CCDC178: variants seen among roughly 807,000 people sequenced by gnomAD.
The protein encoded by CCDC178 is coiled-coil domain-containing protein 178.
A neutral mutation model predicts 117.4 loss-of-function variants in CCDC178; 126 were observed. The ratio of observed to expected loss-of-function variants is 1.07; its 90% confidence interval spans 0.93 to 1.24. CCDC178 has a LOEUF of 1.24. CCDC178 is among the 50% of genes most tolerant of loss of function. The probability of loss-of-function intolerance (pLI) is 0.00; values close to 1 mark genes in which losing one functional copy is unlikely to be tolerated. For missense variants in CCDC178, 1,030 were observed against 986.9 expected (o/e 1.04, Z -0.59); for synonymous variants, 283 against 313.4 (o/e 0.90, Z 1.02).
intron 15 of CCDC178, among the ~76,000 whole-genome samples, chr18:33,236,774 A>C (rs977810436): frequency 7.9e-5 from 12 of 152,284 alleles, no homozygotes; most frequent in Non-Finnish European, 1.8e-4. Context: ...GGTAATTGGA[A>C]GTCCAAGAGA....
intron 11 of CCDC178, among the ~76,000 whole-genome samples, chr18:33,317,609 G>C (rs956213280): frequency 2.0e-5 from 3 of 151,946 alleles, no homozygotes; most frequent in Non-Finnish European, 2.9e-5. Context: ...ACTCTCTTGG[G>C]GTCTGGACTG....
intron 11 of CCDC178, among the ~76,000 whole-genome samples, chr18:33,309,431 A>G (rs543012761): frequency 6.6e-6 from 1 of 152,324 alleles, no homozygotes; most frequent in African/African-American, 2.4e-5. Context: ...AAAGAATTAA[A>G]TACACATAAA....
chr18:33,095,831 T>C (rs1349184213), intron 20 of CCDC178, among the ~76,000 whole-genome samples: 2 of 151,804 alleles, frequency 1.3e-5, no homozygotes, highest in African/African-American at 2.4e-5. Flanking sequence ...TAAAGAGAAA[T>C]CATACCATAT....
chr18:33,361,705 C>T (rs1377998299), intron 6 of CCDC178, among the ~76,000 whole-genome samples: 1 of 151,696 alleles, frequency 6.6e-6, no homozygotes, highest in Non-Finnish European at 1.5e-5. Flanking sequence ...CAAAAAGGTG[C>T]TCAACATCAC....
intron 21 of CCDC178, among the ~76,000 whole-genome samples, chr18:33,032,297 A>T (rs983619271): frequency 2.6e-5 from 4 of 152,134 alleles, no homozygotes; most frequent in African/African-American, 9.7e-5. Flanking sequence ...ACTTAGTCAC[A>T]TGGTTATCTC....
chr18:32,953,013 C>T (rs574471264), intron 22 of CCDC178, among the ~76,000 whole-genome samples: 1 of 152,118 alleles, frequency 6.6e-6, no homozygotes, highest in South Asian at 2.1e-4. Context: ...ACCTCATGAT[C>T]TGCCTGCCTC....
chr18:33,050,337 G>A (rs937202572), intron 21 of CCDC178, among the ~76,000 whole-genome samples: 5 of 152,222 alleles, frequency 3.3e-5, no homozygotes, highest in Admixed American at 1.3e-4. Context: ...AGAAACCGCC[G>A]AAGTTTGAAA....
chr18:33,273,219 C>T (rs1194545322), intron 12 of CCDC178, among the ~76,000 whole-genome samples: 1 of 151,366 alleles, frequency 6.6e-6, no homozygotes, highest in Non-Finnish European at 1.5e-5. Context: ...AGACAACACA[C>T]AAACATTGGT....
At chr18:33,130,747 G>A (rs111855920) in intron 20 of CCDC178, among the ~76,000 whole-genome samples, 10 of 151,930 alleles carry the variant, frequency 6.6e-5, no homozygotes, top group Admixed American at 4.6e-4. Context: ...CAAGAAATAC[G>A]TACTTCCTCT....
intron 14 of CCDC178, among the ~76,000 whole-genome samples, chr18:33,250,571 C>A (rs1310570998): frequency 6.6e-6 from 1 of 151,624 alleles, no homozygotes. Context: ...TAAAAGAAAA[C>A]AATTCAACAA....
chr18:32,968,749 A>G (rs533570946), intron 22 of CCDC178, among the ~76,000 whole-genome samples: 2 of 152,064 alleles, frequency 1.3e-5, no homozygotes, highest in Non-Finnish European at 2.9e-5. Context: ...TAATATCTCT[A>G]AATGTATATA....
chr18:33,394,319 C>T (rs966890156), intron 4 of CCDC178, among the ~76,000 whole-genome samples: 4 of 151,796 alleles, frequency 2.6e-5, no homozygotes, highest in African/African-American at 9.7e-5. Context: ...TACAATAACA[C>T]ATATTAATTT....
chr18:32,956,457 C>T (rs552410753), intron 22 of CCDC178, among the ~76,000 whole-genome samples: 42 of 152,078 alleles, frequency 2.8e-4, no homozygotes, highest in Non-Finnish European at 5.4e-4. Context: ...TAAAAACATA[C>T]GAAATGAAAT....
intron 22 of CCDC178, 87 bp downstream of exon 22, chr18:32,974,460 A>G (rs183191892): frequency 8.1e-7 from 1 of 1,238,228 alleles, no homozygotes; most frequent in African/African-American, 1.5e-5. Flanking sequence ...CTGATGGGAT[A>G]TGGTTTTAAT....
At chr18:33,161,563 A>T (rs968668) in intron 20 of CCDC178, among the ~76,000 whole-genome samples, 1 of 152,046 alleles carries the variant, frequency 6.6e-6, no homozygotes, top group Non-Finnish European at 1.5e-5. Context: ...TGCCTCAAAA[A>T]TTTCCTATGG....
intron 20 of CCDC178, among the ~76,000 whole-genome samples, chr18:33,182,653 T>A (rs1281431794): frequency 6.6e-6 from 1 of 152,018 alleles, no homozygotes; most frequent in Non-Finnish European, 1.5e-5. Context: ...AGTCTCTCAC[T>A]ATATATGTCA....
At chr18:33,017,382 CAAA>C (rs2144816664) in intron 21 of CCDC178, among the ~76,000 whole-genome samples, 1 of 151,772 alleles carries the variant, frequency 6.6e-6, no homozygotes, top group Non-Finnish European at 1.5e-5. Flanking sequence ...ATAAATTAAA[CAAA>C]AGAAGTGTAA....
At chr18:33,274,368 T>G (rs138540815) in intron 12 of CCDC178, among the ~76,000 whole-genome samples, 1 of 151,868 alleles carries the variant, frequency 6.6e-6, no homozygotes, top group Non-Finnish European at 1.5e-5. Flanking sequence ...ATGTTAAACA[T>G]AGAACTATCA....
intron 2 of CCDC178, among the ~76,000 whole-genome samples, chr18:33,426,446 T>C (rs72942665): frequency 0.11 from 17,384 of 152,252 alleles, 1,198 homozygotes; most frequent in East Asian, 0.19. Flanking sequence ...TCAAAGGGCA[T>C]AGAAGTTACA....
Sources: allele counts gnomAD v4.1 joint callset (sites outside exome capture counted in the v4.1 genomes callset), GRCh38; gene constraint gnomAD v4.1.1; transcripts MANE v1.5; gene names NCBI Gene and HGNC (gene_info 2026-07-23, HGNC 2026-07-21).